Variants in CSMD1 observed in about 807,000 individuals in gnomAD.
The protein encoded by CSMD1 is CUB and sushi domain-containing protein 1.
A neutral mutation model predicts 417.5 loss-of-function variants in CSMD1; 213 were observed. That is an observed-to-expected ratio of 0.51 (90% confidence interval 0.46 to 0.57). The LOEUF (loss-of-function observed/expected upper bound fraction) is 0.57. Among genes scored for constraint, CSMD1 ranks in the 20% least tolerant of loss-of-function variants. The probability of loss-of-function intolerance (pLI) is 0.00; values close to 1 mark genes in which losing one functional copy is unlikely to be tolerated. For synonymous variants in CSMD1, 2,862 were observed against 1,736.8 expected (o/e 1.65, Z -16.11); for missense variants, 6,923 against 4,529.7 (o/e 1.53, Z -15.17).
At chr8:4,589,738 G>A (rs1389189490) in intron 2 of CSMD1, among the ~76,000 whole-genome samples, 7 of 152,116 alleles carry the variant, frequency 4.6e-5, no homozygotes, top group Non-Finnish European at 7.4e-5. Context: ...CCATTATCAC[G>A]GCCAAAAAAA....
intron 12 of CSMD1, among the ~76,000 whole-genome samples, chr8:3,464,793 G>C (rs960555696): frequency 1.3e-5 from 2 of 151,908 alleles, no homozygotes; most frequent in Admixed American, 6.6e-5. Context: ...TTGGGCTTTT[G>C]AACAGATTAT....
chr8:3,428,258 G>C lies in CSMD1; in HGVS notation c.1562-18653C>G, dbSNP rs114990114. Reference sequence around the variant, plus strand: ...ACTCGAGGAAGGGGGGACCTTAAAAGTCACTTTAGAAAACAAACAAACGGC... The same window carrying C: ...ACTCGAGGAAGGGGGGACCTTAAAACTCACTTTAGAAAACAAACAAACGGC... On this transcript the variant is annotated intron_variant, in intron 12 of 69. Transcript: ENST00000635120. 8.2e-3 allele frequency among the ~76,000 whole-genome samples: 1,243 copies of C among 152,038 alleles called. 18 individuals carry two copies. The highest frequency in any genetic ancestry group is 0.029 in the African/African-American group (1,188 of 41,512).
At chr8:4,481,334 C>T (rs1286402093) in intron 2 of CSMD1, among the ~76,000 whole-genome samples, 1 of 152,190 alleles carries the variant, frequency 6.6e-6, no homozygotes, top group Non-Finnish European at 1.5e-5. Context: ...GCATTAAAGT[C>T]TATAGCTTAA....
chr8:3,913,176 G>C (rs573587385), intron 5 of CSMD1, among the ~76,000 whole-genome samples: 1 of 152,136 alleles, frequency 6.6e-6, no homozygotes, highest in African/African-American at 2.4e-5. Flanking sequence ...GAGATGTTGA[G>C]TTGAGAACCG....
chr8:4,961,166 T>C (rs937191851), intron 1 of CSMD1, among the ~76,000 whole-genome samples: 1 of 152,214 alleles, frequency 6.6e-6, no homozygotes, highest in African/African-American at 2.4e-5. Context: ...TTTGTTTTCC[T>C]GTAATTGATA....
chr8:3,659,438 G>A (rs1165953956), intron 7 of CSMD1, among the ~76,000 whole-genome samples: 1 of 152,160 alleles, frequency 6.6e-6, no homozygotes, highest in Non-Finnish European at 1.5e-5. Flanking sequence ...AATTATCTGA[G>A]ACACTACTTA....
At chr8:3,972,737 C>A (rs1043765608) in intron 5 of CSMD1, among the ~76,000 whole-genome samples, 1 of 152,188 alleles carries the variant, frequency 6.6e-6, no homozygotes, top group Non-Finnish European at 1.5e-5. Flanking sequence ...AAACACACAG[C>A]ACCAGCTAAA....
intron 5 of CSMD1, among the ~76,000 whole-genome samples, chr8:3,845,924 A>G (rs1241608878): frequency 6.6e-6 from 1 of 152,098 alleles, no homozygotes; most frequent in Non-Finnish European, 1.5e-5. Context: ...CAATATCACT[A>G]TCTTCCACCT....
At chr8:4,501,761 C>T (rs1802269755) in intron 2 of CSMD1, among the ~76,000 whole-genome samples, 1 of 152,098 alleles carries the variant, frequency 6.6e-6, no homozygotes, top group Non-Finnish European at 1.5e-5. Context: ...AGTAGTGCAG[C>T]ATTTGTGTTC....
intron 2 of CSMD1, among the ~76,000 whole-genome samples, chr8:4,438,867 C>A (rs894034818): frequency 2.6e-5 from 4 of 152,076 alleles, no homozygotes; most frequent in African/African-American, 4.8e-5. Context: ...TATCACGTTC[C>A]CTTGAAAGCA....
intron 5 of CSMD1, among the ~76,000 whole-genome samples, chr8:3,958,696 T>C (rs1194044450): frequency 2.0e-5 from 3 of 152,124 alleles, no homozygotes; most frequent in South Asian, 2.1e-4. Flanking sequence ...GATCAGGACA[T>C]AACTGAGGGT....
chr8:3,222,976 C>T (rs1431269379), intron 28 of CSMD1, among the ~76,000 whole-genome samples: 1 of 152,110 alleles, frequency 6.6e-6, no homozygotes, highest in Non-Finnish European at 1.5e-5. Context: ...AATGTAATCC[C>T]AGATACTTGT....
chr8:4,459,129 A>G (rs1434555706), intron 2 of CSMD1, among the ~76,000 whole-genome samples: 1 of 152,196 alleles, frequency 6.6e-6, no homozygotes, highest in East Asian at 1.9e-4. Flanking sequence ...TCAGGCCACC[A>G]TCCTTTCTCA....
chr8:4,415,495 C>T (rs1366681840), intron 3 of CSMD1, among the ~76,000 whole-genome samples: 2 of 152,148 alleles, frequency 1.3e-5, no homozygotes, highest in African/African-American at 2.4e-5. Context: ...ACATGGCCCA[C>T]GTAGACCTGC....
At chr8:3,704,083 C>T (rs1376735033) in intron 7 of CSMD1, among the ~76,000 whole-genome samples, 3 of 151,986 alleles carry the variant, frequency 2.0e-5, no homozygotes, top group African/African-American at 7.2e-5. Flanking sequence ...AAAACAAAAA[C>T]AAAAAAACTT....
intron 3 of CSMD1, among the ~76,000 whole-genome samples, chr8:4,238,721 T>A (rs1401777870): frequency 3.9e-5 from 6 of 152,188 alleles, no homozygotes; most frequent in Non-Finnish European, 8.8e-5. Context: ...CAGGTCAATA[T>A]TATCCTTCTC....
chr8:4,966,245 G>C (rs1809850259), intron 1 of CSMD1, among the ~76,000 whole-genome samples: 1 of 151,010 alleles, frequency 6.6e-6, no homozygotes, highest in African/African-American at 2.5e-5. Context: ...TGGGTATGGT[G>C]GCACATGCCT....
intron 2 of CSMD1, among the ~76,000 whole-genome samples, chr8:4,631,011 A>G (rs1024636007): frequency 6.6e-6 from 1 of 152,174 alleles, no homozygotes; most frequent in African/African-American, 2.4e-5. Flanking sequence ...AAGCTTTGAC[A>G]GTGGCTTCAC....
intron 49 of CSMD1, among the ~76,000 whole-genome samples, chr8:3,053,414 C>A (rs982623892): frequency 6.6e-5 from 10 of 152,148 alleles, no homozygotes; most frequent in Non-Finnish European, 1.2e-4. Context: ...GCCGCCTCAG[C>A]TCTGAAAAGT....
Sources: allele counts gnomAD v4.1 joint callset (sites outside exome capture counted in the v4.1 genomes callset), GRCh38; gene constraint gnomAD v4.1.1; transcripts MANE v1.5; gene names NCBI Gene and HGNC (gene_info 2026-07-23, HGNC 2026-07-21).